ANKS1B: variants seen among roughly 807,000 people sequenced by gnomAD.
The protein encoded by ANKS1B is ankyrin repeat and sterile alpha motif domain containing 1B.
In ANKS1B, 36 loss-of-function variants were observed where a neutral mutation model predicts 148.3. The ratio of observed to expected loss-of-function variants is 0.24; its 90% CI spans 0.19 to 0.32. ANKS1B has a LOEUF of 0.32. Ranked by LOEUF, ANKS1B falls within the 10% of genes least tolerant of loss-of-function variation. ANKS1B has a pLI of 1.00. For synonymous variants in ANKS1B, 542 were observed against 560.8 expected (o/e 0.97, Z 0.47); for missense variants, 1,157 against 1,542.6 (o/e 0.75, Z 4.19).
At chr12:99,464,857 G>A (rs1027700897) in intron 10 of ANKS1B, among the ~76,000 whole-genome samples, 1 of 152,172 alleles carries the variant, frequency 6.6e-6, no homozygotes, top group African/African-American at 2.4e-5. Flanking sequence ...AACCAAGTTG[G>A]AAAACACTAT....
intron 15 of ANKS1B, chr12:99,097,179 G>A (rs2056457664): frequency 6.6e-6 from 1 of 152,302 alleles, no homozygotes; most frequent in African/African-American, 2.4e-5. Context: ...AGATCACTAA[G>A]TAAGTTTATA....
chr12:99,399,941 A>T, intron 11 of ANKS1B, 130 bp from the exon 12 acceptor site: 1 of 801,008 alleles, frequency 1.2e-6, no homozygotes, highest in Non-Finnish European at 2.0e-6. Flanking sequence ...CTTAAAATAT[A>T]ATTGTGCTTT....
At chr12:99,111,579 T>G (rs2060299979) in intron 15 of ANKS1B, among the ~76,000 whole-genome samples, 1 of 152,012 alleles carries the variant, frequency 6.6e-6, no homozygotes, top group Non-Finnish European at 1.5e-5. Context: ...CCTTCCAACC[T>G]CATGAAAGTG....
At chr12:99,664,037 T>A (rs1052988173) in intron 8 of ANKS1B, among the ~76,000 whole-genome samples, 2 of 152,158 alleles carry the variant, frequency 1.3e-5, no homozygotes, top group East Asian at 3.8e-4. Flanking sequence ...TAGTAATTAA[T>A]ACTGTTTATT....
intron 9 of ANKS1B, among the ~76,000 whole-genome samples, chr12:99,539,070 T>A (rs2097100647): frequency 6.6e-6 from 1 of 152,240 alleles, no homozygotes. Flanking sequence ...CATCCTTGCA[T>A]CCCAGGGATA....
intron 9 of ANKS1B, among the ~76,000 whole-genome samples, chr12:99,579,660 T>C (rs1419406229): frequency 6.6e-6 from 1 of 152,038 alleles, no homozygotes; most frequent in Non-Finnish European, 1.5e-5. Context: ...TACAACCTCA[T>C]ATCAGTCAGA....
At chr12:99,138,928 CCT>C (rs1278490716) in intron 15 of ANKS1B, among the ~76,000 whole-genome samples, 1 of 151,498 alleles carries the variant, frequency 6.6e-6, no homozygotes, top group Non-Finnish European at 1.5e-5. Flanking sequence ...TCCCTTTCTC[CCT>C]TTCTCTCTTT....
chr12:99,408,242 C>T (rs114872265), intron 11 of ANKS1B, among the ~76,000 whole-genome samples: 2,795 of 145,468 alleles, frequency 0.019, 490 homozygotes, highest in African/African-American at 0.069. Context: ...AGAACATACA[C>T]AAGGTTACAT....
At chr12:99,093,412 G>A (rs1278875253) in intron 15 of ANKS1B, 1 of 152,246 alleles carries the variant, frequency 6.6e-6, no homozygotes, top group African/African-American at 2.4e-5. Flanking sequence ...CTCTTCTGCA[G>A]TGCCTTGTCA....
chr12:99,464,104 A>G (rs1276854906), intron 10 of ANKS1B, among the ~76,000 whole-genome samples: 1 of 152,170 alleles, frequency 6.6e-6, no homozygotes, highest in Non-Finnish European at 1.5e-5. Flanking sequence ...CTTCCAGAGG[A>G]ACGATCAGAC....
chr12:98,832,276 C>T (rs2099324417), intron 17 of ANKS1B, 140 bp from the exon 18 acceptor site: 2 of 654,758 alleles, frequency 3.1e-6, no homozygotes. Context: ...AGTGTGACCG[C>T]TGAAGTCCAG....
intron 10 of ANKS1B, among the ~76,000 whole-genome samples, chr12:99,453,708 T>A (rs1479274998): frequency 6.6e-6 from 1 of 152,220 alleles, no homozygotes; most frequent in Non-Finnish European, 1.5e-5. Flanking sequence ...CAAATAGCAA[T>A]AGATAACTAA....
chr12:99,364,596 G>A (rs780917414), intron 12 of ANKS1B, among the ~76,000 whole-genome samples: 1 of 152,186 alleles, frequency 6.6e-6, no homozygotes, highest in Non-Finnish European at 1.5e-5. Context: ...GCACCCTGTG[G>A]ATTCTGACTT....
At chr12:98,735,913 C>T (rs1223003196) in intron 9 of ANKS1B, among the ~76,000 whole-genome samples, 1 of 152,132 alleles carries the variant, frequency 6.6e-6, no homozygotes, top group African/African-American at 2.4e-5. Context: ...TTGTACAGAC[C>T]TGAAAGATGT....
intron 14 of ANKS1B, among the ~76,000 whole-genome samples, chr12:99,204,636 C>G (rs547261262): frequency 3.3e-5 from 5 of 152,180 alleles, no homozygotes; most frequent in Non-Finnish European, 5.9e-5. Flanking sequence ...TGCCCTATTG[C>G]TTTCAAGTAC....
At chr12:99,482,167 ATAT>A (rs1244858487) in intron 10 of ANKS1B, among the ~76,000 whole-genome samples, 2 of 152,002 alleles carry the variant, frequency 1.3e-5, no homozygotes, top group Non-Finnish European at 2.9e-5. Context: ...TTCATGTCAT[ATAT>A]TTAAGTCTTT....
intron 17 of ANKS1B, among the ~76,000 whole-genome samples, chr12:98,881,225 C>T (rs2099707191): frequency 6.6e-6 from 1 of 152,122 alleles, no homozygotes. Flanking sequence ...ATAAATTGCT[C>T]AGTCCTTCAG....
chr12:99,419,082 G>T (rs1434612755), intron 11 of ANKS1B, among the ~76,000 whole-genome samples: 5 of 152,024 alleles, frequency 3.3e-5, no homozygotes, highest in African/African-American at 1.2e-4. Flanking sequence ...ATATTGCTCT[G>T]GGGTGTGGGT....
At chr12:99,439,734 G>C (rs1412742215) in intron 11 of ANKS1B, among the ~76,000 whole-genome samples, 1 of 151,576 alleles carries the variant, frequency 6.6e-6, no homozygotes, top group Non-Finnish European at 1.5e-5. Flanking sequence ...AAAGCTGTTG[G>C]GAAGCTTTTT....
Sources: allele counts gnomAD v4.1 joint callset (sites outside exome capture counted in the v4.1 genomes callset), GRCh38; gene constraint gnomAD v4.1.1; transcripts MANE v1.5; gene names NCBI Gene and HGNC (gene_info 2026-07-23, HGNC 2026-07-21).